UBA52: variants seen among roughly 807,000 people sequenced by gnomAD.
UBA52 encodes the protein ubiquitin-ribosomal protein eL40 fusion protein.
In UBA52, 1 loss-of-function variant was observed where a neutral mutation model predicts 15.3. The ratio of observed to expected loss-of-function variants is 0.07; its 90% CI spans 0.02 to 0.31. UBA52 has a LOEUF of 0.31. Ranked by LOEUF, UBA52 falls within the 10% of genes least tolerant of loss-of-function variation. The probability of loss-of-function intolerance (pLI) is 1.00; values close to 1 mark genes in which losing one functional copy is unlikely to be tolerated. For synonymous variants in UBA52, 50 were observed against 58.3 expected (o/e 0.86, Z 0.65); for missense variants, 87 against 168.0 (o/e 0.52, Z 2.66).
rs1381244082 is a variant in UBA52, at chr19:18,575,249, C to T, written c.*99C>T. On this transcript the variant is annotated 3_prime_UTR_variant, in exon 5 of 5. Transcript: ENST00000442744. ...CATTGACTGGAGCAGCAATTGGTGTCCTCATGGCTGATCTGTCCAGGGAGG... is the reference window on the plus strand; with the variant it reads ...CATTGACTGGAGCAGCAATTGGTGTTCTCATGGCTGATCTGTCCAGGGAGG... 7.0e-7 allele frequency: 1 copy of T among 1,421,798 alleles called. No individual in the cohort carries two copies. The highest frequency in any genetic ancestry group is 1.9e-5 in the Admixed American group (1 of 53,274). 88.1% of individuals were successfully genotyped at this position (1,421,798 alleles called of 1,614,324 possible).
the UBA52 span, chr19:18,565,201 T>G: frequency 7.2e-7 from 1 of 1,397,028 alleles, no homozygotes; most frequent in East Asian, 2.5e-5. Context: ...GTAAGTTTAT[T>G]TACTGATTGA....
intron 1 of UBA52, chr19:18,572,913 G>C: frequency 9.1e-7 from 1 of 1,099,702 alleles, no homozygotes; most frequent in South Asian, 2.4e-5. Context: ...GTGGAAGAGG[G>C]TGGGACCGCC....
chr19:18,566,305 A>G, the UBA52 span, among the ~76,000 whole-genome samples: 1 of 151,928 alleles, frequency 6.6e-6, no homozygotes, highest in African/African-American at 2.4e-5. Context: ...AAAAAATACT[A>G]AAAATACAAA....
At chr19:18,572,764 G>A in intron 1 of UBA52, 1 of 994,538 alleles carries the variant, frequency 1.0e-6, no homozygotes, top group South Asian at 4.3e-5. Context: ...AATTGAGAAG[G>A]AAGCTAAGAG....
chr19:18,573,608 C>T (rs1403026862), intron 2 of UBA52, 54 bp from the exon 3 acceptor site: 19 of 1,578,746 alleles, frequency 1.2e-5, no homozygotes, highest in Non-Finnish European at 1.6e-5. Context: ...CTGCAGAGGA[C>T]ACTGCCAGTA....
chr19:18,569,932 G>T (rs1383991437), upstream of UBA52, among the ~76,000 whole-genome samples: 1 of 152,116 alleles, frequency 6.6e-6, no homozygotes, highest in Non-Finnish European at 1.5e-5. Context: ...TACTTGGGAG[G>T]CTGAGGCAGA....
chr19:18,565,185 C>T, the UBA52 span: 1 of 1,407,346 alleles, frequency 7.1e-7, no homozygotes, highest in African/African-American at 1.4e-5. Context: ...GGGATAAAAT[C>T]TTGACGTAAG....
At chr19:18,573,512 T>C in intron 2 of UBA52, 109 bp downstream of exon 2, 1 of 1,304,158 alleles carries the variant, frequency 7.7e-7, no homozygotes, top group Non-Finnish European at 1.1e-6. Context: ...TGTTTTGCCC[T>C]TGCTTCTCCA....
Position 18,576,169 on chromosome 19 carries a change from C to G in UBA52, c.*1019C>G. On this transcript the variant is annotated 3_prime_UTR_variant, in exon 5 of 5. Transcript: ENST00000442744. ...AAGAAGGGCAACCCTTGGTGTTTTC[C>G]CCTTAAGGTCACCCAGGCTGGAATG... is the stretch of plus-strand genomic sequence containing the variant. 6.6e-6 allele frequency: 1 copy of G among 152,394 alleles called. No individual in the cohort carries two copies. Among genetic ancestry groups the G allele is most frequent in the Non-Finnish European group, 1.5e-5 (1 of 68,154 alleles). 9.4% of individuals were successfully genotyped at this position (152,394 alleles called of 1,614,324 possible).
In UBA52 at chr19:18,576,998, T is replaced by A. The variant is rs912051930; in HGVS notation, c.*1848T>A. On this transcript the variant is annotated 3_prime_UTR_variant, in exon 5 of 5. Transcript: ENST00000442744. Reference sequence around the variant, plus strand: ...ACATTTTTTTTTTTTTTTTTTTTTTTACAGACATGGTCTCGCTATGTTGCC... The same window carrying A: ...ACATTTTTTTTTTTTTTTTTTTTTTAACAGACATGGTCTCGCTATGTTGCC... 11 of 148,882 alleles carry A rather than the reference T, an allele frequency of 7.4e-5. No individual in the cohort carries two copies. The highest frequency in any genetic ancestry group is 1.8e-4 in the African/African-American group (7 of 39,624). 9.2% of individuals were successfully genotyped at this position (148,882 alleles called of 1,614,324 possible). A position where few individuals can be genotyped will look rare whatever the true frequency, so the allele number is the denominator to read the frequency against.
chr19:18,576,663 T>C lies in UBA52; in HGVS notation c.*1513T>C, dbSNP rs1296848312. The stretch of plus-strand genomic sequence containing the variant: ...TGTTTAGTTTTGGTTTTTTATCACT[T>C]TTTTTTTTTTTTTTTGAGATGGAGC... On this transcript the variant is annotated 3_prime_UTR_variant, in exon 5 of 5. Coordinates refer to ENST00000442744, the MANE Select transcript of UBA52 (RefSeq NM_001033930.3). 1 of 145,482 alleles carries C rather than the reference T, an allele frequency of 6.9e-6. No individual in the cohort carries two copies. 9.0% of individuals were successfully genotyped at this position (145,482 alleles called of 1,614,324 possible).
At chr19:18,565,948 A>G in the UBA52 span, among the ~76,000 whole-genome samples, 1 of 152,124 alleles carries the variant, frequency 6.6e-6, no homozygotes, top group Non-Finnish European at 1.5e-5. Flanking sequence ...TCGGCCTCCT[A>G]AAGTGTTGGG....
the UBA52 span, chr19:18,565,253 G>A: frequency 2.5e-5 from 30 of 1,186,332 alleles, 1 homozygote; most frequent in South Asian, 4.4e-4. Context: ...TTTTGGAGAC[G>A]GAGTCTCGCT....
the UBA52 span, chr19:18,565,224 G>A: frequency 2.4e-6 from 3 of 1,236,968 alleles, no homozygotes; most frequent in Non-Finnish European, 2.1e-6. Flanking sequence ...AATTGATCGA[G>A]ACAGAGTTTT....
At chr19:18,568,573 G>A, upstream of UBA52, 2 of 1,613,436 alleles carry the variant, frequency 1.2e-6, no homozygotes, top group Middle Eastern at 1.6e-4. Context: ...GTCCAGCCTG[G>A]CTCCCCAGCC....
upstream of UBA52, among the ~76,000 whole-genome samples, chr19:18,570,790 C>T (rs538834303): frequency 6.6e-6 from 1 of 151,806 alleles, no homozygotes; most frequent in East Asian, 2.0e-4. Context: ...CGGGTTCAAG[C>T]GATTCTCCTG....
chr19:18,570,507 C>CCTTTT (rs1555752290), upstream of UBA52, among the ~76,000 whole-genome samples: 17 of 44,810 alleles, frequency 3.8e-4, 4 homozygotes, highest in Non-Finnish European at 4.6e-4. Context: ...CGCCGTGGCA[C>CCTTTT]TTTTTTTTTT....
intron 1 of UBA52, chr19:18,572,749 G>C (rs1975563674): frequency 1.0e-6 from 1 of 989,152 alleles, no homozygotes; most frequent in Admixed American, 5.5e-5. Context: ...GGAGAGTTTT[G>C]GTGTAATTGA....
upstream of UBA52, chr19:18,568,700 C>A: frequency 8.2e-7 from 1 of 1,212,926 alleles, no homozygotes; most frequent in Non-Finnish European, 1.2e-6. Flanking sequence ...GTAACCCTGC[C>A]TTGTTCTGTC....
Sources: allele counts gnomAD v4.1 joint callset (sites outside exome capture counted in the v4.1 genomes callset), GRCh38; gene constraint gnomAD v4.1.1; transcripts MANE v1.5; gene names NCBI Gene and HGNC (gene_info 2026-07-23, HGNC 2026-07-21).